CASP10: variants seen among roughly 807,000 people sequenced by gnomAD.
The protein encoded by CASP10 is caspase-10.
In CASP10, 41 loss-of-function variants were observed where a neutral mutation model predicts 48.5. The ratio of observed to expected loss-of-function variants is 0.85; its 90% CI spans 0.66 to 1.10. The LOEUF (loss-of-function observed/expected upper bound fraction) is 1.10, where lower values mean the gene tolerates loss of function less well. Among genes scored for constraint, CASP10 ranks in the 50% least tolerant of loss-of-function variants. CASP10 has a pLI of 0.00. For missense variants in CASP10, 614 were observed against 614.5 expected (o/e 1.00, Z 0.01); for synonymous variants, 232 against 238.4 (o/e 0.97, Z 0.25).
Position 201,185,707 on chromosome 2 carries a change from G to A in CASP10, c.-7-64G>A, listed in dbSNP as rs1944390212. On this transcript the variant is annotated intron_variant, in intron 1 of 9. Transcript: ENST00000286186. ...AAGGTTGTGGTGAGGGGAGGGCCTG[G>A]GAAGTCAGGGGGCCATATGTCCTCA... 3.0e-6 allele frequency: 3 copies of A among 997,904 alleles called. No individual in the cohort carries two copies. The Admixed American group carries it at 5.1e-5, about 17-fold the overall frequency. The allele number at this position is 997,904 out of a possible 1,614,324, so 61.8% of individuals were successfully genotyped here. A position where few individuals can be genotyped will look rare whatever the true frequency, so the allele number is the denominator to read the frequency against.
At chr2:201,209,037 C>G (rs1945301871) in intron 8 of CASP10, 33 bp from the exon 9 acceptor site, 8 of 1,531,482 alleles carry the variant, frequency 5.2e-6, no homozygotes, top group Non-Finnish European at 7.2e-6. Context: ...CTCTCTCTCT[C>G]TCTCTTTTTT....
chr2:201,212,556 C>T (rs895625152), intron 9 of CASP10: 1 of 152,180 alleles, frequency 6.6e-6, no homozygotes, highest in African/African-American at 2.4e-5. Flanking sequence ...AAGCCAATGT[C>T]ACCAATGCGA....
intron 9 of CASP10, among the ~76,000 whole-genome samples, chr2:201,211,007 A>C (rs1328157357): frequency 2.0e-5 from 3 of 152,148 alleles, no homozygotes; most frequent in Admixed American, 6.5e-5. Context: ...TTGATGTTTC[A>C]ATACATATAT....
chr2:201,229,236 CCTTA>C, exon 10 of CASP10: 1 of 829,600 alleles, frequency 1.2e-6, no homozygotes. Flanking sequence ...TCTTCTGTTC[CCTTA>C]CTGTTTCACG....
chr2:201,203,347 C>T (rs1211326952), intron 5 of CASP10, among the ~76,000 whole-genome samples: 3 of 151,292 alleles, frequency 2.0e-5, no homozygotes, highest in Admixed American at 6.6e-5. Context: ...TGCTCTGTCA[C>T]CCAGGCTGGA....
chr2:201,189,027 C>T (rs547219546), intron 3 of CASP10, among the ~76,000 whole-genome samples: 19 of 151,048 alleles, frequency 1.3e-4, no homozygotes, highest in South Asian at 8.4e-4. Context: ...CCTGCCACTA[C>T]GCCTGGCTAA....
chr2:201,189,913 C>A (rs532877376), intron 3 of CASP10, among the ~76,000 whole-genome samples: 1 of 152,108 alleles, frequency 6.6e-6, no homozygotes. Flanking sequence ...ATGGGAGGAT[C>A]GCTCGAGCCC....
chr2:201,220,673 TA>T lies in CASP10; in HGVS notation c.*2936del. The T allele has an allele frequency of 1.1e-6, 1 of 924,302 alleles. No homozygotes were observed. The highest frequency in any genetic ancestry group is 1.2e-4 in the East Asian group (1 of 8,514). 57.3% of individuals were successfully genotyped at this position (924,302 alleles called of 1,614,324 possible). A position where few individuals can be genotyped will look rare whatever the true frequency, so the allele number is the denominator to read the frequency against. ...AAGCCCCTTTCAAATTTGTTTTCTC[TA>T]AAATAAACCTGTCCTTGGCTGTCAA... On this transcript the variant is annotated 3_prime_UTR_variant, in exon 10 of 10. Transcript: ENST00000286186.
chr2:201,228,889 C>T (rs774581859), intron 9 of CASP10: 13 of 1,596,824 alleles, frequency 8.1e-6, no homozygotes, highest in Admixed American at 6.9e-5. Flanking sequence ...TGTGAAAAAC[C>T]ACTCAGTCAA....
In CASP10 at chr2:201,183,271, C is replaced by A. The variant is rs1487297902; in HGVS notation, c.-45C>A. ...GTTTTCAGGCAATTTCCCTGAGAAC[C>A]GTTTACTTCCAGAAGATTGGTGGAG... is the stretch of plus-strand genomic sequence containing the variant. On this transcript the variant is annotated 5_prime_UTR_variant, in exon 1 of 10. Transcript: ENST00000286186. The A allele has an allele frequency of 6.6e-6, 1 of 152,122 alleles. No individual in the cohort carries two copies. The highest frequency in any genetic ancestry group is 1.9e-4 in the East Asian group (1 of 5,196). 9.4% of individuals were successfully genotyped at this position (152,122 alleles called of 1,614,324 possible).
intron 5 of CASP10, among the ~76,000 whole-genome samples, chr2:201,198,731 G>A (rs1944901125): frequency 6.6e-6 from 1 of 150,836 alleles, no homozygotes; most frequent in Non-Finnish European, 1.5e-5. Context: ...TAGTAGAGAC[G>A]GGGTTTCACC....
chr2:201,184,971 C>T (rs1944362636), intron 1 of CASP10, among the ~76,000 whole-genome samples: 1 of 152,062 alleles, frequency 6.6e-6, no homozygotes, highest in Admixed American at 6.6e-5. Flanking sequence ...CCCTTTCCTC[C>T]TGAGGTCTAG....
At chr2:201,198,123 C>T (rs1052871533) in intron 5 of CASP10, among the ~76,000 whole-genome samples, 1 of 152,148 alleles carries the variant, frequency 6.6e-6, no homozygotes, top group Admixed American at 6.5e-5. Context: ...AGCATCTTCT[C>T]ATGTGCTTTT....
chr2:201,191,006 C>T (rs1358179824), intron 3 of CASP10, among the ~76,000 whole-genome samples: 2 of 151,798 alleles, frequency 1.3e-5, no homozygotes, highest in Non-Finnish European at 2.9e-5. Context: ...GGATTACAGG[C>T]GCCCACCACC....
Position 201,218,010 on chromosome 2 carries a change from C to A in CASP10, c.*269C>A, listed in dbSNP as rs1945628680. On this transcript the variant is annotated 3_prime_UTR_variant, in exon 10 of 10. Transcript: ENST00000286186. Reference sequence around the variant, plus strand: ...CTCACTGTAGTCTCGACCTCCCAGGCTCAAGCTGTCCTCCCGCCTCAGCTT... The same window carrying A: ...CTCACTGTAGTCTCGACCTCCCAGGATCAAGCTGTCCTCCCGCCTCAGCTT... The A allele has an allele frequency of 8.9e-6, 8 of 899,446 alleles. 1 individual carries two copies. The South Asian group carries it at 1.2e-4, about 14-fold the overall frequency. The allele number at this position is 899,446 out of a possible 1,614,324, so 55.7% of individuals were successfully genotyped here.
In CASP10 at chr2:201,219,370, C is replaced by T; in HGVS notation, c.*1629C>T. On this transcript the variant is annotated 3_prime_UTR_variant, in exon 10 of 10. Transcript: ENST00000286186. ...AAAGAAGGGAATTTATTGCCTCTTT[C>T]ACATTGAAACCCAGGAGTGGATAAC... 1.1e-6 allele frequency: 1 copy of T among 882,568 alleles called. No homozygotes were observed. Among genetic ancestry groups the T allele is most frequent in the South Asian group, 5.2e-5 (1 of 19,224 alleles). The allele number at this position is 882,568 out of a possible 1,614,324, so 54.7% of individuals were successfully genotyped here.
chr2:201,222,781 G>C (rs1269987203), downstream of CASP10, among the ~76,000 whole-genome samples: 2 of 152,166 alleles, frequency 1.3e-5, no homozygotes, highest in African/African-American at 2.4e-5. Context: ...TACCGACCCA[G>C]TGACTGGTAT....
chr2:201,215,211 G>GTTTTTTTTTTTTTTTTTTTTT (rs10616229), intron 9 of CASP10, among the ~76,000 whole-genome samples: 6 of 29,884 alleles, frequency 2.0e-4, no homozygotes, highest in African/African-American at 3.4e-4. Flanking sequence ...TCTTCCCTCG[G>GTTTTTTTTTTTTTTTTTTTTT]TTTTTTTTTT....
chr2:201,188,870 G>T (rs1008955672), intron 3 of CASP10, among the ~76,000 whole-genome samples: 1 of 150,286 alleles, frequency 6.7e-6, no homozygotes, highest in South Asian at 2.1e-4. Flanking sequence ...GGAGATATTA[G>T]AATTTTTTTT....
Sources: allele counts gnomAD v4.1 joint callset (sites outside exome capture counted in the v4.1 genomes callset), GRCh38; gene constraint gnomAD v4.1.1; transcripts MANE v1.5; gene names NCBI Gene and HGNC (gene_info 2026-07-23, HGNC 2026-07-21).